BRWD1: variants seen among roughly 807,000 people sequenced by gnomAD.
BRWD1 encodes bromodomain and WD repeat-containing protein 1.
In BRWD1, 82 loss-of-function variants were observed where a neutral mutation model predicts 251.2. The ratio of observed to expected loss-of-function variants is 0.33; its 90% confidence interval spans 0.27 to 0.39. The LOEUF (loss-of-function observed/expected upper bound fraction) is 0.39, where lower values mean the gene tolerates loss of function less well. Ranked by LOEUF, BRWD1 falls within the 10% of genes least tolerant of loss-of-function variation. The pLI is 1.00. For synonymous variants in BRWD1, 918 were observed against 902.8 expected (o/e 1.02, Z -0.30); for missense variants, 2,233 against 2,711.6 (o/e 0.82, Z 3.92).
chr21:39,261,439 A>C (rs1176150396), intron 17 of BRWD1, among the ~76,000 whole-genome samples: 2 of 152,224 alleles, frequency 1.3e-5, no homozygotes, highest in African/African-American at 4.8e-5. Context: ...ACATGTATTC[A>C]TGTGCAGAGC....
chr21:39,225,406 C>CTT (rs937459165), intron 27 of BRWD1, among the ~76,000 whole-genome samples: 1 of 152,154 alleles, frequency 6.6e-6, no homozygotes, highest in Non-Finnish European at 1.5e-5. Context: ...TTTTACAACT[C>CTT]TAACACTTCA....
At chr21:39,260,363 T>C (rs1043878956) in intron 17 of BRWD1, among the ~76,000 whole-genome samples, 1 of 152,138 alleles carries the variant, frequency 6.6e-6, no homozygotes, top group Admixed American at 6.5e-5. Context: ...CTTGAACTCC[T>C]GAGCTCAAGC....
intron 4 of BRWD1, among the ~76,000 whole-genome samples, chr21:39,303,606 G>C (rs1165888379): frequency 6.6e-6 from 1 of 151,692 alleles, no homozygotes; most frequent in Non-Finnish European, 1.5e-5. Context: ...ACTGACGGCA[G>C]ATCATTTGAG....
intron 4 of BRWD1, among the ~76,000 whole-genome samples, chr21:39,309,910 T>C (rs1439464553): frequency 2.0e-5 from 3 of 151,220 alleles, no homozygotes; most frequent in Admixed American, 6.6e-5. Flanking sequence ...GATGATATAA[T>C]AAGCAGTCCT....
chr21:39,248,641 C>CAAAAAAAAAAAAAAAA (rs375430016), intron 20 of BRWD1, among the ~76,000 whole-genome samples: 2 of 83,300 alleles, frequency 2.4e-5, no homozygotes, highest in East Asian at 4.0e-4. Flanking sequence ...CCCTATCTCC[C>CAAAAAAAAAAAAAAAA]AAAAAAAAAA....
At chr21:39,283,828 A>G (rs8131126) in intron 8 of BRWD1, among the ~76,000 whole-genome samples, 37,990 of 151,942 alleles carry the variant, frequency 0.25, 5,708 homozygotes, top group Non-Finnish European at 0.35. Flanking sequence ...AATGACTATA[A>G]TATGTATTTC....
At chr21:39,289,374 A>G (rs2035737590) in intron 8 of BRWD1, among the ~76,000 whole-genome samples, 1 of 152,182 alleles carries the variant, frequency 6.6e-6, no homozygotes, top group South Asian at 2.1e-4. Context: ...TACACACACT[A>G]TTCATTCTTT....
Position 39,187,241 on chromosome 21 carries a change from C to G in BRWD1, c.*9018G>C. 3.1e-6 allele frequency: 5 copies of G among 1,613,798 alleles called. No homozygotes were observed. Among genetic ancestry groups the G allele is most frequent in the Non-Finnish European group, 4.2e-6 (5 of 1,179,872 alleles). Reference sequence around the variant, plus strand: ...ACATTTTCTGGTCCTGAGATCGTTTCTTTTAGATTACTCATTATCTTTATT... The same window carrying G: ...ACATTTTCTGGTCCTGAGATCGTTTGTTTTAGATTACTCATTATCTTTATT... On this transcript the variant is annotated 3_prime_UTR_variant, in exon 41 of 41. Transcript: ENST00000342449.
chr21:39,193,531 A>G lies in BRWD1; in HGVS notation c.*2728T>C. The stretch of plus-strand genomic sequence containing the variant: ...GTCTTTCCAAGAAAGCAAAAATCAA[A>G]TCTGAGTACTTCAAAGCCTGTAAAA... On this transcript the variant is annotated 3_prime_UTR_variant, in exon 41 of 41. Transcript: ENST00000342449. 1.0e-6 allele frequency: 1 copy of G among 985,504 alleles called. No homozygotes were observed. Among genetic ancestry groups the G allele is most frequent in the Non-Finnish European group, 1.2e-6 (1 of 829,732 alleles). 61.0% of individuals were successfully genotyped at this position (985,504 alleles called of 1,614,324 possible). A position where few individuals can be genotyped will look rare whatever the true frequency, so the allele number is the denominator to read the frequency against.
In BRWD1 at chr21:39,229,728, A is replaced by G. The variant is rs545952257; in HGVS notation, c.3001-292T>C. ...CGACAATCACTGTTAAAAATCTAAC[A>G]TATTTCCTTCTGGCTTTGTTTTGGA... On this transcript the variant is annotated intron_variant, in intron 25 of 40. Coordinates refer to ENST00000342449, the MANE Select transcript of BRWD1 (RefSeq NM_033656.4). Among the ~76,000 whole-genome samples, 299 of 152,310 alleles carry G rather than the reference A, an allele frequency of 2.0e-3. 2 individuals carry two copies. Among genetic ancestry groups the G allele is most frequent in the Admixed American group, 3.1e-3 (48 of 15,296 alleles).
At position 39,188,411 on chromosome 21, in the gene BRWD1, A is replaced by G; in HGVS notation, c.*7848T>C. The G allele has an allele frequency of 2.0e-6, 2 of 985,438 alleles. No individual in the cohort carries two copies. Among genetic ancestry groups the G allele is most frequent in the Non-Finnish European group, 1.2e-6 (1 of 829,916 alleles). The allele number at this position is 985,438 out of a possible 1,614,324, so 61.0% of individuals were successfully genotyped here. A position where few individuals can be genotyped will look rare whatever the true frequency, so the allele number is the denominator to read the frequency against. Reference sequence around the variant, plus strand: ...TCCTCCACCCACACTAGACATCTGGAGGACTCCACCACATTCTTTTTACTA... The same window carrying G: ...TCCTCCACCCACACTAGACATCTGGGGGACTCCACCACATTCTTTTTACTA... On this transcript the variant is annotated 3_prime_UTR_variant, in exon 41 of 41. Coordinates refer to ENST00000342449, the MANE Select transcript of BRWD1 (RefSeq NM_033656.4).
chr21:39,207,508 T>C (rs1390029901), intron 36 of BRWD1, among the ~76,000 whole-genome samples: 1 of 124,762 alleles, frequency 8.0e-6, no homozygotes, highest in African/African-American at 3.1e-5. Context: ...AAACAACAAG[T>C]GTTGGCAAGG....
chr21:39,233,292 C>T (rs8131263), intron 23 of BRWD1, among the ~76,000 whole-genome samples: 140,621 of 152,244 alleles, frequency 0.92, 65,277 homozygotes, highest in African/African-American at 0.96. Context: ...ATCACCCAGT[C>T]AAATCAGCTC....
In BRWD1 at chr21:39,196,261, A is replaced by C; in HGVS notation, c.6808T>G (p.Ter2270GlyextTer2). The change falls in exon 41 of 41, where the codon TGA becomes GGA. Residue 2270 changes from the stop codon to glycine (G), a stop_lost. Transcript: ENST00000342449. ...NVLDFNGCTL[*>G] The stretch of plus-strand genomic sequence containing the variant: ...AATGAACTGGCTTTCCCTCAAGGTC[A>C]TAAGGTGCAACCATTGAAATCTAAC... 2.5e-6 allele frequency: 4 copies of C among 1,586,118 alleles called. No individual in the cohort carries two copies. The highest frequency in any genetic ancestry group is 3.4e-6 in the Non-Finnish European group (4 of 1,167,694).
intron 4 of BRWD1, chr21:39,312,611 C>CCCCCACCGCT: frequency 2.7e-6 from 1 of 371,630 alleles, no homozygotes; most frequent in Non-Finnish European, 5.0e-6. Flanking sequence ...CCGCGAGTCG[C>CCCCCACCGCT]CCCCACCGCT....
chr21:39,237,504 G>A (rs1043462486), intron 22 of BRWD1, among the ~76,000 whole-genome samples: 71 of 151,976 alleles, frequency 4.7e-4, no homozygotes, highest in Admixed American at 4.5e-3. Flanking sequence ...AAATACACAG[G>A]TAAACACATT....
chr21:39,225,032 C>G (rs932724899), intron 28 of BRWD1, 54 bp downstream of exon 28: 3 of 1,257,112 alleles, frequency 2.4e-6, no homozygotes, highest in Non-Finnish European at 3.5e-6. Context: ...ATTTATACAG[C>G]AACCTGCCAC....
In BRWD1 at chr21:39,189,458, T is replaced by C. The variant is rs2031429555; in HGVS notation, c.*6801A>G. 2 of 973,244 alleles carry C rather than the reference T, an allele frequency of 2.1e-6. No individual in the cohort carries two copies. Among genetic ancestry groups the C allele is most frequent in the Non-Finnish European group, 2.4e-6 (2 of 819,114 alleles). 60.3% of individuals were successfully genotyped at this position (973,244 alleles called of 1,614,324 possible). ...ATAAATGTTTATTTGTCATCCAGAA[T>C]AATGGAAAAGTTAAGATTCTGCAGG... On this transcript the variant is annotated 3_prime_UTR_variant, in exon 41 of 41. Coordinates refer to ENST00000342449, the MANE Select transcript of BRWD1 (RefSeq NM_033656.4).
intron 32 of BRWD1, among the ~76,000 whole-genome samples, chr21:39,214,418 A>G (rs2032795256): frequency 6.6e-6 from 1 of 152,110 alleles, no homozygotes; most frequent in South Asian, 2.1e-4. Context: ...AATATACTCT[A>G]TAAAATAAGT....
Sources: gnomAD v4.1 joint callset for allele counts (sites outside exome capture counted in the v4.1 genomes callset) on GRCh38, gnomAD v4.1.1 for gene constraint, MANE v1.5 for transcripts, NCBI Gene and HGNC (gene_info 2026-07-23, HGNC 2026-07-21) for gene names.